MEF2A: variants seen among roughly 807,000 people sequenced by gnomAD.
MEF2A encodes myocyte-specific enhancer factor 2A.
Under a neutral mutation model 55.8 loss-of-function variants are expected in MEF2A, and 28 were observed. The observed-to-expected ratio is 0.50, with a 90% CI of 0.37 to 0.69. MEF2A has a LOEUF of 0.69. Among genes scored for constraint, MEF2A ranks in the 30% least tolerant of loss-of-function variants. MEF2A has a pLI of 0.00. For missense variants in MEF2A, 528 were observed against 626.2 expected (o/e 0.84, Z 1.67); for synonymous variants, 239 against 227.1 (o/e 1.05, Z -0.47).
chr15:99,597,996 T>C (rs1257654165), intron 1 of MEF2A, among the ~76,000 whole-genome samples: 2 of 152,220 alleles, frequency 1.3e-5, no homozygotes, highest in Admixed American at 6.5e-5. Context: ...ATAACAATTA[T>C]TTCACAATTT....
At chr15:99,684,417 A>G (rs1021051715) in intron 7 of MEF2A, among the ~76,000 whole-genome samples, 1 of 152,202 alleles carries the variant, frequency 6.6e-6, no homozygotes, top group Non-Finnish European at 1.5e-5. Flanking sequence ...TTGCAGGAGT[A>G]AGGTGGTATC....
intron 8 of MEF2A, among the ~76,000 whole-genome samples, chr15:99,697,962 C>T (rs904317530): frequency 6.6e-6 from 1 of 152,080 alleles, no homozygotes; most frequent in African/African-American, 2.4e-5. Context: ...GGTAGTAAGG[C>T]AATTCAACAG....
At chr15:99,663,285 C>A (rs1167721327) in intron 4 of MEF2A, among the ~76,000 whole-genome samples, 4 of 151,914 alleles carry the variant, frequency 2.6e-5, no homozygotes, top group Non-Finnish European at 2.9e-5. Context: ...GAAAGATAAT[C>A]CTGATTTATT....
chr15:99,677,422 A>C (rs1285902100), intron 7 of MEF2A, among the ~76,000 whole-genome samples: 5 of 152,070 alleles, frequency 3.3e-5, no homozygotes, highest in Admixed American at 6.5e-5. Context: ...GAACAAAAAA[A>C]CCCCGTAATG....
At chr15:99,655,398 C>G (rs1200307850) in intron 4 of MEF2A, among the ~76,000 whole-genome samples, 2 of 151,976 alleles carry the variant, frequency 1.3e-5, no homozygotes, top group Non-Finnish European at 2.9e-5. Context: ...GGGGAGTAAT[C>G]AAAGGTAAGG....
intron 8 of MEF2A, among the ~76,000 whole-genome samples, chr15:99,694,671 A>C (rs1212846698): frequency 6.6e-6 from 1 of 152,190 alleles, no homozygotes; most frequent in Non-Finnish European, 1.5e-5. Context: ...CCCGCTTTTC[A>C]TACTGTAGCC....
intron 9 of MEF2A, among the ~76,000 whole-genome samples, chr15:99,706,160 A>T (rs2058020124): frequency 6.6e-6 from 1 of 152,256 alleles, no homozygotes; most frequent in Non-Finnish European, 1.5e-5. Context: ...ACAGAAGGCC[A>T]GGGGACTATG....
At chr15:99,655,247 G>A (rs8029326) in intron 4 of MEF2A, among the ~76,000 whole-genome samples, 51,220 of 151,972 alleles carry the variant, frequency 0.34, 10,652 homozygotes, top group Middle Eastern at 0.47. Flanking sequence ...TGACAAAAGA[G>A]CCAAGGTAAA....
At chr15:99,566,844 T>A (rs1959830899) in intron 1 of MEF2A, among the ~76,000 whole-genome samples, 1 of 152,024 alleles carries the variant, frequency 6.6e-6, no homozygotes, top group Admixed American at 6.5e-5. Context: ...CGCCCGATCG[T>A]GCGGGGAGAC....
chr15:99,645,461 G>A, intron 3 of MEF2A, 100 bp from the exon 4 acceptor site: 3 of 868,112 alleles, frequency 3.5e-6, no homozygotes, highest in Non-Finnish European at 5.3e-6. Context: ...TTCCATCTTT[G>A]AAATCTGGCT....
chr15:99,633,074 G>T lies in MEF2A; in HGVS notation c.-46G>T. 1 of 1,520,986 alleles carries T rather than the reference G, an allele frequency of 6.6e-7. No individual in the cohort carries two copies. The highest frequency in any genetic ancestry group is 1.8e-5 in the Admixed American group (1 of 56,486). The allele number at this position is 1,520,986 out of a possible 1,614,324, so 94.2% of individuals were successfully genotyped here. ...AGGGTATTGAAGAAAATTAACTTTT[G>T]AATTAAATATTTGGAATATAAGGAA... On this transcript the variant is annotated 5_prime_UTR_variant, in exon 3 of 12. Transcript: ENST00000557942.
At chr15:99,699,939 A>G (rs1474500377) in intron 8 of MEF2A, among the ~76,000 whole-genome samples, 1 of 148,078 alleles carries the variant, frequency 6.8e-6, no homozygotes, top group Non-Finnish European at 1.5e-5. Context: ...TGAAGGATTC[A>G]GTAAGAGTTT....
At chr15:99,705,879 A>G (rs895683138) in intron 9 of MEF2A, among the ~76,000 whole-genome samples, 1 of 152,366 alleles carries the variant, frequency 6.6e-6, no homozygotes, top group Middle Eastern at 3.4e-3. Context: ...AGTGACACAG[A>G]GTCTGTTGTG....
At chr15:99,682,876 T>G (rs1003238487) in intron 7 of MEF2A, among the ~76,000 whole-genome samples, 12 of 152,248 alleles carry the variant, frequency 7.9e-5, no homozygotes, top group African/African-American at 2.9e-4. Context: ...CAGATTTGAG[T>G]ATAAATCAAG....
At chr15:99,710,561 C>T in intron 10 of MEF2A, 73 bp from the exon 11 acceptor site, 1 of 1,557,966 alleles carries the variant, frequency 6.4e-7, no homozygotes, top group Non-Finnish European at 8.8e-7. Context: ...GGAACTTTTG[C>T]AGTAGCTACG....
In MEF2A at chr15:99,715,985, A is replaced by G. The variant is rs889275396; in HGVS notation, c.*3214A>G. The stretch of plus-strand genomic sequence containing the variant: ...TAGAAGGATAACTAGTAATGCATCA[A>G]CATAATTTCTGTATTAACCATCATG... On this transcript the variant is annotated 3_prime_UTR_variant, in exon 12 of 12. Transcript: ENST00000557942. The G allele has an allele frequency of 6.5e-6, 1 of 153,600 alleles. No homozygotes were observed. Among genetic ancestry groups the G allele is most frequent in the African/African-American group, 2.4e-5 (1 of 41,456 alleles). The allele number at this position is 153,600 out of a possible 1,614,324, so 9.5% of individuals were successfully genotyped here. A position where few individuals can be genotyped will look rare whatever the true frequency, so the allele number is the denominator to read the frequency against.
At chr15:99,689,099 A>G (rs2054865555) in intron 7 of MEF2A, among the ~76,000 whole-genome samples, 2 of 152,230 alleles carry the variant, frequency 1.3e-5, no homozygotes, top group South Asian at 4.1e-4. Context: ...ATATACATAG[A>G]GCATATATCA....
At chr15:99,593,741 A>G (rs564471114) in intron 1 of MEF2A, among the ~76,000 whole-genome samples, 2 of 152,314 alleles carry the variant, frequency 1.3e-5, no homozygotes, top group South Asian at 4.1e-4. Flanking sequence ...AAGTCATTTC[A>G]TTTAACCATT....
chr15:99,599,510 C>A (rs1232289018), intron 2 of MEF2A, among the ~76,000 whole-genome samples: 2 of 151,898 alleles, frequency 1.3e-5, no homozygotes, highest in Non-Finnish European at 2.9e-5. Flanking sequence ...AAAATGAGTT[C>A]TTTGTTGAAG....
Sources: gnomAD v4.1 joint callset for allele counts (sites outside exome capture counted in the v4.1 genomes callset) on GRCh38, gnomAD v4.1.1 for gene constraint, MANE v1.5 for transcripts, NCBI Gene and HGNC (gene_info 2026-07-23, HGNC 2026-07-21) for gene names.